The following CEP164 variants were observed in gnomAD, a reference collection of about 807,000 sequenced individuals.
CEP164 encodes centrosomal protein of 164 kDa.
Under a neutral mutation model 182.7 loss-of-function variants are expected in CEP164, and 162 were observed. The observed-to-expected ratio is 0.89, with a 90% CI of 0.78 to 1.01. CEP164 has a LOEUF of 1.01. Ranked by LOEUF, CEP164 falls within the 50% of genes least tolerant of loss-of-function variation. The pLI is 0.00. For missense variants in CEP164, 1,735 were observed against 1,790.4 expected (o/e 0.97, Z 0.56); for synonymous variants, 661 against 690.0 (o/e 0.96, Z 0.66).
chr11:117,347,415 T>C (rs562138827), intron 4 of CEP164, among the ~76,000 whole-genome samples: 13 of 152,302 alleles, frequency 8.5e-5, no homozygotes, highest in African/African-American at 2.9e-4. Flanking sequence ...TTAGAATAGC[T>C]TGTCAGTTTC....
intron 26 of CEP164, 98 bp downstream of exon 26, chr11:117,396,709 C>A: frequency 1.0e-6 from 1 of 968,074 alleles, no homozygotes; most frequent in African/African-American, 1.6e-5. Flanking sequence ...AGTGAGGAGA[C>A]GGTGATCACC....
intron 23 of CEP164, 83 bp downstream of exon 23, chr11:117,395,274 C>G: frequency 6.6e-7 from 1 of 1,510,120 alleles, no homozygotes; most frequent in South Asian, 1.2e-5. Flanking sequence ...TTTTGTTCAT[C>G]TGATCTGTCC....
chr11:117,355,503 C>G (rs932884791), intron 5 of CEP164: 91 of 1,288,912 alleles, frequency 7.1e-5, no homozygotes, highest in Admixed American at 1.8e-4. Context: ...CTGAGCCCCA[C>G]TGGCCCTGGA....
At position 117,405,851 on chromosome 11, in the gene CEP164, A is replaced by T. The variant is rs547784958; in HGVS notation, c.3502-2074A>T. Among the ~76,000 whole-genome samples the T allele has an allele frequency of 2.0e-5, 3 of 152,336 alleles. No individual in the cohort carries two copies. In the East Asian group the frequency reaches 5.8e-4, roughly 29 times the overall value. ...AGTCCCTTTGCTAAAACATAACAAGAGTCACCTTTGCTCCAGTTCCCAACA... is the reference window on the plus strand; with the variant it reads ...AGTCCCTTTGCTAAAACATAACAAGTGTCACCTTTGCTCCAGTTCCCAACA... On this transcript the variant is annotated intron_variant, in intron 27 of 32. Coordinates refer to ENST00000278935, the MANE Select transcript of CEP164 (RefSeq NM_014956.5).
At chr11:117,382,419 G>C (rs971121282) in intron 13 of CEP164, among the ~76,000 whole-genome samples, 12 of 152,156 alleles carry the variant, frequency 7.9e-5, no homozygotes, top group African/African-American at 2.9e-4. Context: ...GAGCGTGGTG[G>C]ACATTTGCTA....
chr11:117,384,673 A>G (rs1301957591), intron 14 of CEP164: 1 of 152,200 alleles, frequency 6.6e-6, no homozygotes, highest in Admixed American at 6.5e-5. Flanking sequence ...CTGACCACGC[A>G]GTTTCAGTTT....
intron 30 of CEP164, 38 bp from the exon 31 acceptor site, chr11:117,410,790 A>G: frequency 6.4e-7 from 1 of 1,571,848 alleles, no homozygotes; most frequent in Non-Finnish European, 8.7e-7. Flanking sequence ...GGTGGTGACC[A>G]CTGCCCATTT....
chr11:117,322,176 C>A (rs1591889054), intron 1 of CEP164, among the ~76,000 whole-genome samples: 1 of 152,080 alleles, frequency 6.6e-6, no homozygotes, highest in Non-Finnish European at 1.5e-5. Flanking sequence ...AGTACAGTGG[C>A]GTGATCTTGG....
At chr11:117,392,831 G>C (rs2044852009) in intron 19 of CEP164, among the ~76,000 whole-genome samples, 173 bp from the exon 20 acceptor site, 1 of 152,184 alleles carries the variant, frequency 6.6e-6, no homozygotes, top group Admixed American at 6.5e-5. Context: ...TGTGGGGAGG[G>C]GGTGTTGGGG....
intron 5 of CEP164, chr11:117,356,701 A>G: frequency 8.6e-7 from 1 of 1,165,880 alleles, no homozygotes; most frequent in Non-Finnish European, 1.1e-6. Context: ...CACAGCCATC[A>G]GGCCTGCATT....
At position 117,365,422 on chromosome 11, in the gene CEP164, G is replaced by A. The variant is rs532145040; in HGVS notation, c.765+1916G>A. On this transcript the variant is annotated intron_variant, in intron 8 of 32. Coordinates refer to ENST00000278935, the MANE Select transcript of CEP164 (RefSeq NM_014956.5). ...CTTTTCCAGTTTCTGGATAGAGTGGGTACTTGGTCCCTGCTGTCAGCTGGT... is the reference window on the plus strand; with the variant it reads ...CTTTTCCAGTTTCTGGATAGAGTGGATACTTGGTCCCTGCTGTCAGCTGGT... 1.3e-4 allele frequency among the ~76,000 whole-genome samples: 20 copies of A among 152,306 alleles called. No individual in the cohort carries two copies. The South Asian group carries it at 3.7e-3, about 28-fold the overall frequency.
At chr11:117,329,682 C>G (rs543513436) in intron 1 of CEP164, among the ~76,000 whole-genome samples, 106 of 152,190 alleles carry the variant, frequency 7.0e-4, no homozygotes, top group African/African-American at 2.4e-3. Flanking sequence ...GCTGGGACTA[C>G]AGGTGGGCAC....
At chr11:117,356,231 G>A in intron 5 of CEP164, 1 of 1,096,182 alleles carries the variant, frequency 9.1e-7, no homozygotes, top group East Asian at 8.8e-5. Flanking sequence ...AGACTACTCT[G>A]AGGACCAGAG....
chr11:117,365,459 C>T lies in CEP164; in HGVS notation c.765+1953C>T, dbSNP rs548407506. ...TGCTGTCAGCTGGTGGATGGAAGATCCTGATGTGGATTGATCATGATTTAC... is the reference window on the plus strand; with the variant it reads ...TGCTGTCAGCTGGTGGATGGAAGATTCTGATGTGGATTGATCATGATTTAC... On this transcript the variant is annotated intron_variant, in intron 8 of 32. Transcript: ENST00000278935. 4.6e-5 allele frequency among the ~76,000 whole-genome samples: 7 copies of T among 152,214 alleles called. No individual in the cohort carries two copies. The South Asian group carries it at 1.5e-3, about 32-fold the overall frequency.
intron 27 of CEP164, among the ~76,000 whole-genome samples, chr11:117,397,875 C>T (rs1235224436): frequency 6.6e-6 from 1 of 152,150 alleles, no homozygotes; most frequent in South Asian, 2.1e-4. Context: ...CCATATCATT[C>T]CACCCCTTGC....
chr11:117,371,174 C>T lies in CEP164; in HGVS notation c.860C>T (p.Pro287Leu). Reference sequence around the variant, plus strand: ...CCTACTCCCTGCAAGCCCTCCAGCCCAGGTGCAGACAGCAGTCTGAGCAGT... The same window carrying T: ...CCTACTCCCTGCAAGCCCTCCAGCCTAGGTGCAGACAGCAGTCTGAGCAGT... ...GPPTPCKPSS[P>L]GADSSLSSAV... is the part of the protein sequence containing the mutation. Residue 287 changes from proline to leucine, a missense_variant, in exon 9 of 33, where the codon CCA (proline) becomes CTA (leucine). Transcript: ENST00000278935. 1 of 1,614,198 alleles carries T rather than the reference C, an allele frequency of 6.2e-7. No homozygotes were observed. The highest frequency in any genetic ancestry group is 8.5e-7 in the Non-Finnish European group (1 of 1,180,020).
Position 117,409,995 on chromosome 11 carries a change from A to T in CEP164, c.4096+30A>T. ...GCCCCACTCTGGGCGGAGCCTTCCC[A>T]CCTGCCTCCTCCTCCTCCTCTTCCT... On this transcript the variant is annotated intron_variant, in intron 30 of 32. Transcript: ENST00000278935. This position sits in a 1 kb window ranked among gnomAD's most constrained non-coding sequence, Gnocchi z 4.4. 1.3e-6 allele frequency: 2 copies of T among 1,583,946 alleles called. No homozygotes were observed. The highest frequency in any genetic ancestry group is 1.7e-6 in the Non-Finnish European group (2 of 1,154,906).
chr11:117,381,923 T>G, intron 13 of CEP164, 55 bp downstream of exon 13: 1 of 1,408,030 alleles, frequency 7.1e-7, no homozygotes, highest in Non-Finnish European at 9.3e-7. Context: ...CTGCTCTGTG[T>G]GTAGTGGGTA....
intron 11 of CEP164, among the ~76,000 whole-genome samples, chr11:117,378,324 C>A (rs1198321602): frequency 6.6e-6 from 1 of 152,158 alleles, no homozygotes; most frequent in South Asian, 2.1e-4. Flanking sequence ...AGAAAATTTT[C>A]TGTGTACATA....
Sources: allele counts gnomAD v4.1 joint callset (sites outside exome capture counted in the v4.1 genomes callset), GRCh38; gene constraint gnomAD v4.1.1; non-coding constraint Gnocchi (gnomAD v3.1); transcripts MANE v1.5; gene names NCBI Gene and HGNC (gene_info 2026-07-23, HGNC 2026-07-21).